The following APC variants were observed in gnomAD, a reference collection of about 807,000 sequenced individuals.
APC encodes APC regulator of Wnt signaling pathway.
Under a neutral mutation model 247.0 loss-of-function variants are expected in APC, and 72 were observed. That is an observed-to-expected ratio of 0.29 (90% CI 0.24 to 0.35). The LOEUF is 0.35. APC is among the 10% of genes least tolerant of loss of function. The pLI, the probability that APC is intolerant of heterozygous loss-of-function variation, is 1.00. For synonymous variants in APC, 1,254 were observed against 1,162.5 expected (o/e 1.08, Z -1.60); for missense variants, 3,400 against 3,360.7 (o/e 1.01, Z -0.29).
chr5:112,818,855 G>GGGTGTTTTGTTTTTTTTGAGTTT, intron 9 of APC, 111 bp from the exon 10 acceptor site: 3 of 1,118,296 alleles, frequency 2.7e-6, no homozygotes, highest in East Asian at 2.6e-5. Context: ...GGCGGGGGGG[G>GGGTGTTTTGTTTTTTTTGAGTTT]TTGTTTTGTT....
chr5:112,827,090 T>C lies in APC; in HGVS notation c.1409-18T>C. The C allele has an allele frequency of 6.2e-7, 1 of 1,613,268 alleles. No individual in the cohort carries two copies. The highest frequency in any genetic ancestry group is 1.1e-5 in the South Asian group (1 of 91,024). ...ATTTTAGATGATTGTCTTTTTCCTC[T>C]TGCCCTTTTTAAATTAGGGGGACTA... On this transcript the variant is annotated intron_variant, in intron 11 of 15. Transcript: ENST00000257430.
chr5:112,773,913 T>C (rs1396880254), intron 4 of APC, among the ~76,000 whole-genome samples: 2 of 152,104 alleles, frequency 1.3e-5, no homozygotes, highest in African/African-American at 4.8e-5. Flanking sequence ...TGATACACCA[T>C]TTAAAAAAAC....
chr5:112,761,977 A>G (rs1408730707), intron 2 of APC, among the ~76,000 whole-genome samples: 1 of 152,234 alleles, frequency 6.6e-6, no homozygotes, highest in Non-Finnish European at 1.5e-5. Context: ...TTTGCAATAC[A>G]TATATCTGAC....
chr5:112,832,455 G>T (rs1264391589), intron 14 of APC, among the ~76,000 whole-genome samples: 4 of 152,168 alleles, frequency 2.6e-5, no homozygotes, highest in Non-Finnish European at 5.9e-5. Context: ...GTCTAAACCT[G>T]CTCCTAGATT....
chr5:112,811,436 C>T (rs1408860924), intron 8 of APC, among the ~76,000 whole-genome samples: 1 of 152,194 alleles, frequency 6.6e-6, no homozygotes, highest in Non-Finnish European at 1.5e-5. Context: ...AAGAAGTTGG[C>T]TCAGGTCTAG....
intron 6 of APC, among the ~76,000 whole-genome samples, chr5:112,790,095 A>G (rs1234679147): frequency 2.0e-5 from 3 of 151,956 alleles, no homozygotes; most frequent in African/African-American, 7.2e-5. Context: ...CCTGAGCTTA[A>G]GCAGTCTGCC....
Position 112,778,063 on chromosome 5 carries a change from T to C in APC, c.531+2326T>C, listed in dbSNP as rs401908. 0.67 allele frequency: 137,270 copies of C among 206,356 alleles called. 46,260 individuals carry two copies. Among genetic ancestry groups the C allele is most frequent in the East Asian group, 0.91 (7,295 of 8,056 alleles). 12.8% of individuals were successfully genotyped at this position (206,356 alleles called of 1,614,324 possible). A position where few individuals can be genotyped will look rare whatever the true frequency, so the allele number is the denominator to read the frequency against. On this transcript the variant is annotated intron_variant, in intron 5 of 15. Transcript: ENST00000257430. ...CGCTTAAGGAAATATCCCACTTTCC[T>C]ATTCACTACACGTCAGTCTAGTACA...
chr5:112,717,643 G>A (rs1751244997), intron 1 of APC, among the ~76,000 whole-genome samples: 1 of 152,040 alleles, frequency 6.6e-6, no homozygotes, highest in African/African-American at 2.4e-5. Context: ...CAACTTTTAA[G>A]ATAATGTGAT....
intron 1 of APC, among the ~76,000 whole-genome samples, chr5:112,718,072 T>C (rs1751283731): frequency 6.6e-6 from 1 of 151,870 alleles, no homozygotes; most frequent in African/African-American, 2.4e-5. Flanking sequence ...TATTTTTTAG[T>C]ATAGAATTCT....
Position 112,818,164 on chromosome 5 carries a change from C to A in APC, c.934-802C>A, listed in dbSNP as rs77378981. On this transcript the variant is annotated intron_variant, in intron 9 of 15. Coordinates refer to ENST00000257430, the MANE Select transcript of APC (RefSeq NM_000038.6). The stretch of plus-strand genomic sequence containing the variant: ...GGGCAAAATTGCCCCCAGTTGAGAA[C>A]CATTGACTTATAGAGAATGATGCAT... Among the ~76,000 whole-genome samples the A allele has an allele frequency of 2.7e-3, 415 of 152,300 alleles. 14 individuals carry two copies. The East Asian group carries it at 0.064, about 23-fold the overall frequency.
intron 9 of APC, among the ~76,000 whole-genome samples, chr5:112,816,978 C>G (rs1330519617): frequency 6.6e-6 from 1 of 151,706 alleles, no homozygotes; most frequent in African/African-American, 2.4e-5. Context: ...AAGTGATTCT[C>G]CTGCCTCAGC....
At chr5:112,789,376 G>A (rs1339444021) in intron 6 of APC, among the ~76,000 whole-genome samples, 3 of 152,010 alleles carry the variant, frequency 2.0e-5, no homozygotes, top group Non-Finnish European at 4.4e-5. Flanking sequence ...TTAGGTATAG[G>A]GATTAGGAAT....
At chr5:112,793,312 G>T (rs897121752) in intron 7 of APC, among the ~76,000 whole-genome samples, 1 of 152,044 alleles carries the variant, frequency 6.6e-6, no homozygotes, top group African/African-American at 2.4e-5. Context: ...TGAATTACAT[G>T]AAAATTTACC....
intron 8 of APC, among the ~76,000 whole-genome samples, chr5:112,807,414 T>C (rs1252184746): frequency 6.6e-6 from 1 of 152,146 alleles, no homozygotes; most frequent in African/African-American, 2.4e-5. Context: ...AATTTTTATA[T>C]AAACAATATT....
At chr5:112,796,323 C>A (rs1010238837) in intron 7 of APC, among the ~76,000 whole-genome samples, 1 of 152,162 alleles carries the variant, frequency 6.6e-6, no homozygotes, top group East Asian at 1.9e-4. Flanking sequence ...GAGTATCCCC[C>A]CTTCCCCAAA....
upstream of APC, among the ~76,000 whole-genome samples, chr5:112,735,832 T>C (rs1020245056): frequency 1.3e-5 from 2 of 152,176 alleles, no homozygotes; most frequent in African/African-American, 2.4e-5. Context: ...AATGAACATA[T>C]AATGGTCGTA....
intron 9 of APC, among the ~76,000 whole-genome samples, chr5:112,818,692 G>C (rs947638558): frequency 1.3e-5 from 2 of 152,242 alleles, no homozygotes; most frequent in African/African-American, 4.8e-5. Context: ...CAGTTTGTTA[G>C]TGAGTATGCA....
intron 2 of APC, among the ~76,000 whole-genome samples, chr5:112,761,619 C>CA (rs1406229902): frequency 1.3e-5 from 2 of 151,756 alleles, no homozygotes; most frequent in East Asian, 1.9e-4. Flanking sequence ...ATGGAAAAAA[C>CA]AAAAAAGACA....
In APC at chr5:112,843,559, G is replaced by A. The variant is rs1803566; in HGVS notation, c.7965G>A (p.Glu2655=). 6.2e-7 allele frequency: 1 copy of A among 1,613,966 alleles called. No homozygotes were observed. Among genetic ancestry groups the A allele is most frequent in the Non-Finnish European group, 8.5e-7 (1 of 1,179,880 alleles). The change falls in exon 16 of 16, where the codon GAG becomes GAA. Residue 2655 remains glutamate, a synonymous_variant. Transcript: ENST00000257430. This position sits in a 1 kb window ranked among gnomAD's most constrained non-coding sequence, Gnocchi z 4.8. ...YQMAPAVSKT[E]DVWVRIEDCP... is the part of the protein sequence containing the mutation. ...TGGCACCTGCTGTTTCTAAAACAGA[G>A]GATGTTTGGGTGAGAATTGAGGACT...
Sources: gnomAD v4.1 joint callset for allele counts (sites outside exome capture counted in the v4.1 genomes callset) on GRCh38, gnomAD v4.1.1 for gene constraint, Gnocchi (gnomAD v3.1) non-coding constraint, MANE v1.5 for transcripts, NCBI Gene and HGNC (gene_info 2026-07-23, HGNC 2026-07-21) for gene names.